MEF2B: variants seen among roughly 807,000 people sequenced by gnomAD.
The protein encoded by MEF2B is myocyte enhancer factor 2B, also known as myocyte-specific enhancer factor 2B.
MEF2B carries 15 observed loss-of-function variants against 32.2 expected under a neutral mutation model. The ratio of observed to expected loss-of-function variants is 0.47; its 90% CI spans 0.31 to 0.72. The LOEUF (loss-of-function observed/expected upper bound fraction) is 0.72, where lower values mean the gene tolerates loss of function less well. Ranked by LOEUF, MEF2B falls within the 30% of genes least tolerant of loss-of-function variation. MEF2B has a pLI of 0.05. For missense variants in MEF2B, 441 were observed against 511.5 expected, an observed-to-expected ratio of 0.86 and a Z score of 1.33; for synonymous variants, 205 against 225.6, an observed-to-expected ratio of 0.91 and a Z score of 0.82.
chr19:19,163,644 G>C (rs755309101), intron 1 of MEF2B, among the ~76,000 whole-genome samples: 1 of 151,442 alleles, frequency 6.6e-6, no homozygotes, highest in Non-Finnish European at 1.5e-5. Flanking sequence ...AACTTGCTCA[G>C]TTTTCTGTTT....
chr19:19,152,943 C>T (rs1332357751), intron 1 of MEF2B, among the ~76,000 whole-genome samples: 4 of 152,232 alleles, frequency 2.6e-5, no homozygotes, highest in Non-Finnish European at 5.9e-5. Context: ...ACCCTCAGCT[C>T]CGGCTTGACT....
intron 7 of MEF2B, 67 bp downstream of exon 7, chr19:19,146,488 G>T: frequency 7.0e-7 from 1 of 1,434,048 alleles, no homozygotes. Context: ...GTGGGAGGGT[G>T]TGGAACCCCC....
At position 19,150,766 on chromosome 19, in the gene MEF2B, TAGG is replaced by T. The variant is rs755890498; in HGVS notation, c.-29-5_-29-3del. On this transcript the variant is annotated splice_region_variant and splice_polypyrimidine_tract_variant and intron_variant, in intron 1 of 8. Transcript: ENST00000424583. ...CAGGCTGAGTGGAATGATCTTTGTCTAGGAGGAGAAGAGGGAGAGGACAGAGTG... is the reference window on the plus strand; with the variant it reads ...CAGGCTGAGTGGAATGATCTTTGTCTAGGAGAAGAGGGAGAGGACAGAGTG... The T allele has an allele frequency of 3.1e-6, 5 of 1,613,874 alleles. No individual in the cohort carries two copies. The highest frequency in any genetic ancestry group is 1.6e-4 in the Middle Eastern group (1 of 6,078).
Position 19,170,207 on chromosome 19 carries a change from G to C in MEF2B, c.-32C>G, listed in dbSNP as rs1468227751. The C allele has an allele frequency of 2.5e-6, 1 of 398,392 alleles. No homozygotes were observed. The highest frequency in any genetic ancestry group is 4.4e-6 in the Non-Finnish European group (1 of 225,982). The allele number at this position is 398,392 out of a possible 1,614,324, so 24.7% of individuals were successfully genotyped here. ...TCTCAACCCGATATGACACGCACCT[G>C]CTCGGCCTGGGCCCTGGGACGCTGG... On this transcript the variant is annotated splice_region_variant and 5_prime_UTR_variant, in exon 1 of 9. Transcript: ENST00000424583.
At chr19:19,164,054 C>T (rs2060187806) in intron 1 of MEF2B, among the ~76,000 whole-genome samples, 1 of 152,130 alleles carries the variant, frequency 6.6e-6, no homozygotes, top group African/African-American at 2.4e-5. Context: ...GCAACCTCTG[C>T]CTCCCGGGTT....
At chr19:19,166,575 G>T in intron 1 of MEF2B, among the ~76,000 whole-genome samples, 1 of 101,390 alleles carries the variant, frequency 9.9e-6, no homozygotes, top group Non-Finnish European at 2.1e-5. Flanking sequence ...GAGCAACATA[G>T]GGAGACCCCC....
At chr19:19,160,688 G>A (rs1272986853) in intron 1 of MEF2B, among the ~76,000 whole-genome samples, 1 of 151,914 alleles carries the variant, frequency 6.6e-6, no homozygotes, top group Non-Finnish European at 1.5e-5. Flanking sequence ...GCTGCTCCCG[G>A]CCCCTGCAGC....
In MEF2B at chr19:19,167,551, G is replaced by GAAAA. The variant is rs559828501; in HGVS notation, c.-30+2653_-30+2654insTTTT. On this transcript the variant is annotated intron_variant, in intron 1 of 8. Coordinates refer to ENST00000424583, the MANE Select transcript of MEF2B (RefSeq NM_001145785.2). Reference sequence around the variant, plus strand: ...ACAAAGAAAGAAAGAAAGAAAGAAAGAAACCTCTTCCAGAAGGCCAAACAC... The same window carrying GAAAA: ...ACAAAGAAAGAAAGAAAGAAAGAAAGAAAAAAACCTCTTCCAGAAGGCCAAACAC... Among the ~76,000 whole-genome samples, 7 of 151,764 alleles carry GAAAA rather than the reference G, an allele frequency of 4.6e-5. No homozygotes were observed. The East Asian group carries it at 7.7e-4, about 17-fold the overall frequency.
At chr19:19,153,066 C>G (rs777485159) in intron 1 of MEF2B, among the ~76,000 whole-genome samples, 36 of 152,186 alleles carry the variant, frequency 2.4e-4, no homozygotes, top group Non-Finnish European at 4.6e-4. Context: ...TGGACGGGGG[C>G]CTTGGTCCGG....
chr19:19,154,930 T>C (rs2060110319), intron 1 of MEF2B, among the ~76,000 whole-genome samples: 1 of 152,190 alleles, frequency 6.6e-6, no homozygotes, highest in African/African-American at 2.4e-5. Flanking sequence ...GCCTTGCACT[T>C]TAAGTCACTG....
chr19:19,150,837 T>A, intron 1 of MEF2B, 73 bp from the exon 2 acceptor site: 1 of 1,548,110 alleles, frequency 6.5e-7, no homozygotes, highest in South Asian at 1.1e-5. Context: ...CTCACACCTC[T>A]CCTCTGTCTG....
intron 1 of MEF2B, among the ~76,000 whole-genome samples, chr19:19,161,278 G>A (rs556300445): frequency 1.3e-5 from 2 of 152,152 alleles, no homozygotes; most frequent in Admixed American, 1.3e-4. Flanking sequence ...CTGAGGGACA[G>A]GGGCGGATGG....
At position 19,146,628 on chromosome 19, in the gene MEF2B, C is replaced by T. The variant is rs1244717312; in HGVS notation, c.696G>A (p.Leu232=). The T allele has an allele frequency of 2.5e-6, 4 of 1,612,312 alleles. No homozygotes were observed. Among genetic ancestry groups the T allele is most frequent in the Non-Finnish European group, 3.4e-6 (4 of 1,179,222 alleles). Residue 232 remains leucine, a synonymous_variant, in exon 7 of 9, where the codon CTG becomes CTA. Transcript: ENST00000424583. The part of the protein sequence containing the change: ...LNTSRSLYSG[L]QNPCSTATPG... ...GAGTTGCAGTGGAGCAGGGGTTCTG[C>T]AGGCCACTGTAGAGGCTTCTCTGTG... is the stretch of plus-strand genomic sequence containing the variant.
chr19:19,150,817 G>A (rs1032892138), intron 1 of MEF2B, 53 bp from the exon 2 acceptor site: 5 of 1,598,516 alleles, frequency 3.1e-6, no homozygotes, highest in Non-Finnish European at 4.3e-6. Context: ...GTGGGGAGGG[G>A]TACCCCAGCC....
intron 1 of MEF2B, among the ~76,000 whole-genome samples, chr19:19,154,918 G>T (rs553823673): frequency 6.6e-6 from 1 of 152,330 alleles, no homozygotes; most frequent in African/African-American, 2.4e-5. Context: ...TGCTAGGCCT[G>T]TGCCTTGCAC....
intron 1 of MEF2B, among the ~76,000 whole-genome samples, chr19:19,159,827 G>A (rs1325504622): frequency 6.6e-6 from 1 of 152,078 alleles, no homozygotes. Context: ...ATGGGGTGCT[G>A]GAGGGAATCC....
chr19:19,164,069 C>T (rs146515744), intron 1 of MEF2B, among the ~76,000 whole-genome samples: 1,578 of 152,198 alleles, frequency 0.01, 26 homozygotes, highest in African/African-American at 0.035. Context: ...CGGGTTGAAG[C>T]GATTCTCCTG....
chr19:19,160,831 C>T (rs2060155948), intron 1 of MEF2B, among the ~76,000 whole-genome samples: 1 of 152,104 alleles, frequency 6.6e-6, no homozygotes. Flanking sequence ...CCTGGGGGCT[C>T]CAGCGGCTCC....
At chr19:19,168,563 G>A (rs1179011678) in intron 1 of MEF2B, among the ~76,000 whole-genome samples, 7 of 150,724 alleles carry the variant, frequency 4.6e-5, no homozygotes, top group South Asian at 2.1e-4. Flanking sequence ...GTGAGCCACC[G>A]CGCCTGGCCA....
Sources: allele counts gnomAD v4.1 joint callset (sites outside exome capture counted in the v4.1 genomes callset), GRCh38; gene constraint gnomAD v4.1.1; transcripts MANE v1.5; gene names NCBI Gene and HGNC (gene_info 2026-07-23, HGNC 2026-07-21).